Variants in ZNF385B observed in about 807,000 individuals in gnomAD.
ZNF385B encodes the protein zinc finger protein 385B.
In ZNF385B, 23 loss-of-function variants were observed where a neutral mutation model predicts 39.2. The ratio of observed to expected loss-of-function variants is 0.59; its 90% CI spans 0.42 to 0.83. ZNF385B has a LOEUF of 0.83. Among genes scored for constraint, ZNF385B ranks in the 40% least tolerant of loss-of-function variants. The pLI, the probability that ZNF385B is intolerant of heterozygous loss-of-function variation, is 0.00. For synonymous variants in ZNF385B, 205 were observed against 222.6 expected (o/e 0.92, Z 0.70); for missense variants, 552 against 598.9 (o/e 0.92, Z 0.82).
chr2:179,818,190 T>C (rs1339150570), intron 1 of ZNF385B, among the ~76,000 whole-genome samples: 1 of 152,168 alleles, frequency 6.6e-6, no homozygotes, highest in Admixed American at 6.6e-5. Flanking sequence ...CTGGATCCTA[T>C]GTGGTAGGAG....
intron 3 of ZNF385B, among the ~76,000 whole-genome samples, chr2:179,597,451 T>C (rs1278699218): frequency 6.6e-6 from 1 of 152,218 alleles, no homozygotes; most frequent in East Asian, 1.9e-4. Context: ...ACACCTAAGT[T>C]TGGATACAGG....
intron 3 of ZNF385B, among the ~76,000 whole-genome samples, chr2:179,665,907 C>T (rs1387057178): frequency 6.6e-6 from 1 of 151,958 alleles, no homozygotes; most frequent in Non-Finnish European, 1.5e-5. Context: ...AGCTGGTCCT[C>T]TCAGGCAGAG....
At chr2:179,618,311 C>T (rs1337582843) in intron 3 of ZNF385B, among the ~76,000 whole-genome samples, 1 of 152,116 alleles carries the variant, frequency 6.6e-6, no homozygotes, top group Non-Finnish European at 1.5e-5. Flanking sequence ...CCCTACATAC[C>T]TTTTCATGGT....
At chr2:179,831,191 T>C (rs1707964586) in intron 1 of ZNF385B, among the ~76,000 whole-genome samples, 1 of 152,206 alleles carries the variant, frequency 6.6e-6, no homozygotes, top group Non-Finnish European at 1.5e-5. Flanking sequence ...GTAATAATTA[T>C]GATAATAATG....
chr2:179,650,475 G>A (rs541775076), intron 3 of ZNF385B, among the ~76,000 whole-genome samples: 2 of 152,254 alleles, frequency 1.3e-5, no homozygotes, highest in African/African-American at 4.8e-5. Context: ...CAAGATAAGG[G>A]ATACTTGGAG....
intron 3 of ZNF385B, among the ~76,000 whole-genome samples, chr2:179,553,768 A>G (rs2060727232): frequency 6.7e-6 from 1 of 149,540 alleles, no homozygotes; most frequent in East Asian, 1.9e-4. Flanking sequence ...TCTTTTCTGC[A>G]ACGCATCTTA....
intron 3 of ZNF385B, among the ~76,000 whole-genome samples, chr2:179,597,518 C>T (rs896414220): frequency 1.3e-5 from 2 of 152,284 alleles, no homozygotes; most frequent in South Asian, 4.1e-4. Flanking sequence ...CCTTCACAGT[C>T]AGTAGCTTTA....
chr2:179,500,839 C>T (rs2056689193), intron 5 of ZNF385B, among the ~76,000 whole-genome samples: 1 of 152,090 alleles, frequency 6.6e-6, no homozygotes, highest in Non-Finnish European at 1.5e-5. Flanking sequence ...TGCAAACTAC[C>T]TATCTGACAA....
intron 1 of ZNF385B, among the ~76,000 whole-genome samples, chr2:179,857,716 T>C (rs1281844205): frequency 6.6e-6 from 1 of 152,174 alleles, no homozygotes; most frequent in Non-Finnish European, 1.5e-5. Context: ...CATTTAAGAT[T>C]ATATTTTAAT....
At chr2:179,604,823 T>C (rs1373953726) in intron 3 of ZNF385B, among the ~76,000 whole-genome samples, 1 of 152,110 alleles carries the variant, frequency 6.6e-6, no homozygotes, top group Non-Finnish European at 1.5e-5. Flanking sequence ...GCTATAACAT[T>C]TACAATTGTG....
intron 1 of ZNF385B, among the ~76,000 whole-genome samples, chr2:179,843,274 G>T (rs951400647): frequency 1.3e-5 from 2 of 152,132 alleles, no homozygotes; most frequent in African/African-American, 4.8e-5. Flanking sequence ...AGGGGAACTA[G>T]CTACCTATGT....
At chr2:179,815,243 G>A (rs1706990110) in intron 1 of ZNF385B, among the ~76,000 whole-genome samples, 1 of 152,178 alleles carries the variant, frequency 6.6e-6, no homozygotes, top group African/African-American at 2.4e-5. Flanking sequence ...AGAGAGACTT[G>A]TCTAGGAGGG....
chr2:179,474,046 TGGC>T, intron 6 of ZNF385B, among the ~76,000 whole-genome samples: 1 of 151,878 alleles, frequency 6.6e-6, no homozygotes, highest in Non-Finnish European at 1.5e-5. Context: ...AGTAGGTAAA[TGGC>T]ACTCGGGAAT....
At chr2:179,794,409 C>CTTAATTA (rs150851440) in intron 1 of ZNF385B, among the ~76,000 whole-genome samples, 131 of 152,194 alleles carry the variant, frequency 8.6e-4, no homozygotes, top group Middle Eastern at 6.8e-3. Context: ...TATTCTAAAA[C>CTTAATTA]TAGAAATTCT....
intron 1 of ZNF385B, 127 bp downstream of exon 1, chr2:179,860,974 G>A (rs576731703): frequency 2.3e-3 from 386 of 167,940 alleles, no homozygotes; most frequent in Middle Eastern, 6.6e-3. Context: ...CGGGAGGGGG[G>A]CTCCTGGCCA....
chr2:179,635,529 T>C (rs186667157), intron 3 of ZNF385B, among the ~76,000 whole-genome samples: 31 of 151,948 alleles, frequency 2.0e-4, no homozygotes, highest in African/African-American at 7.2e-4. Context: ...ACTTAAAGTA[T>C]AATAATAATA....
At chr2:179,675,246 T>A (rs540228077) in intron 3 of ZNF385B, among the ~76,000 whole-genome samples, 16 of 152,328 alleles carry the variant, frequency 1.1e-4, no homozygotes, top group Admixed American at 9.8e-4. Context: ...ATTCATTAAG[T>A]AGAAGTGGAT....
chr2:179,496,625 AATAC>A (rs1361503503), intron 5 of ZNF385B, among the ~76,000 whole-genome samples: 1 of 152,238 alleles, frequency 6.6e-6, no homozygotes, highest in Non-Finnish European at 1.5e-5. Flanking sequence ...ACAGAGCTCC[AATAC>A]ATCTGCCAGC....
chr2:179,679,500 G>A (rs60746104), intron 3 of ZNF385B, among the ~76,000 whole-genome samples: 149 of 152,300 alleles, frequency 9.8e-4, no homozygotes, highest in African/African-American at 3.5e-3. Flanking sequence ...CTGGCTTACA[G>A]ATGTACCACT....
Sources: allele counts gnomAD v4.1 joint callset (sites outside exome capture counted in the v4.1 genomes callset), GRCh38; gene constraint gnomAD v4.1.1; transcripts MANE v1.5; gene names NCBI Gene and HGNC (gene_info 2026-07-23, HGNC 2026-07-21).